TAB2: variants seen among roughly 807,000 people sequenced by gnomAD.
The protein encoded by TAB2 is TGF-beta activated kinase 1 (MAP3K7) binding protein 2, also known as TGF-beta-activated kinase 1 and MAP3K7-binding protein 2.
TAB2 carries 3 observed loss-of-function variants against 65.0 expected under a neutral mutation model. The ratio of observed to expected loss-of-function variants is 0.05; its 90% CI spans 0.02 to 0.12. TAB2 has a LOEUF of 0.12. TAB2 is among the 10% of genes least tolerant of loss of function. The pLI is 1.00. For missense variants in TAB2, 623 were observed against 840.3 expected (o/e 0.74, Z 3.20); for synonymous variants, 298 against 285.1 (o/e 1.05, Z -0.46).
At chr6:149,260,613 A>G (rs1005510987) in intron 1 of TAB2, among the ~76,000 whole-genome samples, 3 of 152,204 alleles carry the variant, frequency 2.0e-5, no homozygotes, top group African/African-American at 4.8e-5. Flanking sequence ...AGAAGCCACT[A>G]AAGAGCACGG....
intron 1 of TAB2, among the ~76,000 whole-genome samples, chr6:149,255,933 G>A (rs548537020): frequency 2.0e-5 from 3 of 152,216 alleles, no homozygotes; most frequent in South Asian, 4.1e-4. Context: ...CTTCCAAGAG[G>A]GCAGGAAAAA....
chr6:149,316,299 C>A (rs1257489065), upstream of TAB2, among the ~76,000 whole-genome samples: 1 of 152,088 alleles, frequency 6.6e-6, no homozygotes, highest in African/African-American at 2.4e-5. Flanking sequence ...GGTGCTATAG[C>A]CCAGACTTCA....
chr6:149,247,132 C>G (rs1034583663), intron 1 of TAB2: 4 of 152,462 alleles, frequency 2.6e-5, no homozygotes, highest in Non-Finnish European at 5.9e-5. Flanking sequence ...CTATCCACTC[C>G]CAACCTCTAC....
chr6:149,348,443 A>C (rs472810), intron 1 of TAB2, among the ~76,000 whole-genome samples: 18,502 of 151,992 alleles, frequency 0.12, 1,725 homozygotes, highest in East Asian at 0.51. Flanking sequence ...AAAGAAAAAA[A>C]AAAACTGTTA....
intron 1 of TAB2, among the ~76,000 whole-genome samples, chr6:149,293,851 T>G (rs979475830): frequency 6.6e-6 from 1 of 152,176 alleles, no homozygotes; most frequent in African/African-American, 2.4e-5. Context: ...ACATAATAAT[T>G]TAATTACTAT....
intron 3 of TAB2, among the ~76,000 whole-genome samples, chr6:149,395,306 A>C (rs983095366): frequency 3.9e-5 from 6 of 152,238 alleles, no homozygotes; most frequent in Non-Finnish European, 8.8e-5. Context: ...GATATGTTTA[A>C]TTAGGTTGCA....
intron 1 of TAB2, among the ~76,000 whole-genome samples, chr6:149,335,331 A>T (rs1035675987): frequency 2.0e-5 from 3 of 150,878 alleles, no homozygotes; most frequent in African/African-American, 7.3e-5. Flanking sequence ...TATATATATA[A>T]AAAATATATG....
At chr6:149,335,774 C>T (rs1460898854) in intron 1 of TAB2, among the ~76,000 whole-genome samples, 1 of 151,840 alleles carries the variant, frequency 6.6e-6, no homozygotes, top group Admixed American at 6.6e-5. Context: ...TATTAATAAG[C>T]AGAGTAACAC....
chr6:149,301,665 T>A (rs1778975108), intron 1 of TAB2, among the ~76,000 whole-genome samples: 1 of 152,242 alleles, frequency 6.6e-6, no homozygotes, highest in African/African-American at 2.4e-5. Context: ...ACAAGAACTG[T>A]ATCTTCATTT....
At chr6:149,376,194 G>A (rs1781390495) in intron 2 of TAB2, among the ~76,000 whole-genome samples, 3 of 152,070 alleles carry the variant, frequency 2.0e-5, no homozygotes, top group Admixed American at 2.0e-4. Context: ...GTTACTTTGT[G>A]TCTTCTAACT....
chr6:149,296,703 G>A (rs1778883115), intron 1 of TAB2, among the ~76,000 whole-genome samples: 1 of 152,100 alleles, frequency 6.6e-6, no homozygotes, highest in Non-Finnish European at 1.5e-5. Context: ...GAATATTGTA[G>A]GTCAGGACTT....
chr6:149,382,555 C>T (rs1454732194), intron 3 of TAB2, among the ~76,000 whole-genome samples: 3 of 151,820 alleles, frequency 2.0e-5, no homozygotes, highest in Non-Finnish European at 4.4e-5. Context: ...GAGATCATGC[C>T]ATTGCACTCC....
chr6:149,363,610 A>G (rs560461882), intron 1 of TAB2, among the ~76,000 whole-genome samples: 2 of 152,194 alleles, frequency 1.3e-5, no homozygotes, highest in Admixed American at 6.5e-5. Context: ...TTTTTTGAGG[A>G]TAGAATGTTG....
chr6:149,372,473 T>C (rs753993684), intron 2 of TAB2: 2 of 152,170 alleles, frequency 1.3e-5, no homozygotes, highest in African/African-American at 2.4e-5. Context: ...TGTTAATAAA[T>C]TATCTATTTA....
chr6:149,409,881 C>T lies in TAB2; in HGVS notation c.*162C>T, dbSNP rs1782789882. On this transcript the variant is annotated 3_prime_UTR_variant, in exon 7 of 7. Transcript: ENST00000637181. ...ATGTCAGCCCACAGAGCTAATAATACCTCAGTATAATGTCATGAGCAGTTG... is the reference window on the plus strand; with the variant it reads ...ATGTCAGCCCACAGAGCTAATAATATCTCAGTATAATGTCATGAGCAGTTG... 5.2e-6 allele frequency: 4 copies of T among 770,760 alleles called. No individual in the cohort carries two copies. In the East Asian group the frequency reaches 1.1e-4, roughly 20 times the overall value. The allele number at this position is 770,760 out of a possible 1,614,324, so 47.7% of individuals were successfully genotyped here. A position where few individuals can be genotyped will look rare whatever the true frequency, so the allele number is the denominator to read the frequency against.
chr6:149,302,839 T>C (rs965535013), intron 1 of TAB2, among the ~76,000 whole-genome samples: 1 of 152,236 alleles, frequency 6.6e-6, no homozygotes, highest in African/African-American at 2.4e-5. Flanking sequence ...CCAGTACTGG[T>C]CTGGAGGCTG....
At chr6:149,233,691 A>G (rs1219985291) in intron 1 of TAB2, among the ~76,000 whole-genome samples, 1 of 152,186 alleles carries the variant, frequency 6.6e-6, no homozygotes, top group Non-Finnish European at 1.5e-5. Flanking sequence ...ACTTCACAAT[A>G]TACTTGTTTA....
chr6:149,322,599 A>C (rs939953659), intron 1 of TAB2, among the ~76,000 whole-genome samples: 1 of 152,050 alleles, frequency 6.6e-6, no homozygotes, highest in African/African-American at 2.4e-5. Flanking sequence ...AGCTTCTCTG[A>C]GCTTGTTTTC....
chr6:149,364,580 C>T (rs1049319909), intron 1 of TAB2, among the ~76,000 whole-genome samples: 1 of 151,588 alleles, frequency 6.6e-6, no homozygotes, highest in African/African-American at 2.4e-5. Context: ...ATCTGCAGGG[C>T]AAGGACATTG....
Sources: allele counts gnomAD v4.1 joint callset (sites outside exome capture counted in the v4.1 genomes callset), GRCh38; gene constraint gnomAD v4.1.1; transcripts MANE v1.5; gene names NCBI Gene and HGNC (gene_info 2026-07-23, HGNC 2026-07-21).